ITFG1: variants seen among roughly 807,000 people sequenced by gnomAD.
ITFG1 encodes integrin alpha FG-GAP repeat containing 1, also known as T-cell immunomodulatory protein.
In ITFG1, 34 loss-of-function variants were observed where a neutral mutation model predicts 81.8. The ratio of observed to expected loss-of-function variants is 0.42; its 90% CI spans 0.32 to 0.55. The LOEUF is 0.55. ITFG1 is among the 20% of genes least tolerant of loss of function. The pLI is 0.17. For missense variants in ITFG1, 672 were observed against 755.4 expected (o/e 0.89, Z 1.29); for synonymous variants, 285 against 270.6 (o/e 1.05, Z -0.52).
In ITFG1 at chr16:47,331,595, T is replaced by C. The variant is rs541430809; in HGVS notation, c.803-17772A>G. Reference sequence around the variant, plus strand: ...CCTAACTTCTGCTTATACTCTTCTTTCATTGAAATATCTATCTTTGTGAGA... The same window carrying C: ...CCTAACTTCTGCTTATACTCTTCTTCCATTGAAATATCTATCTTTGTGAGA... On this transcript the variant is annotated intron_variant, in intron 8 of 17. Transcript: ENST00000320640. Among the ~76,000 whole-genome samples, 55 of 152,330 alleles carry C rather than the reference T, an allele frequency of 3.6e-4. 2 individuals carry two copies. The South Asian group carries it at 0.011, about 30-fold the overall frequency.
chr16:47,247,501 T>C (rs1966015647), intron 12 of ITFG1, among the ~76,000 whole-genome samples: 2 of 152,180 alleles, frequency 1.3e-5, no homozygotes, highest in Non-Finnish European at 2.9e-5. Context: ...CAATGCTGGC[T>C]CAAAGCTGTA....
intron 14 of ITFG1, among the ~76,000 whole-genome samples, chr16:47,178,800 T>C (rs1965062200): frequency 6.6e-6 from 1 of 152,174 alleles, no homozygotes; most frequent in African/African-American, 2.4e-5. Context: ...ACCTACAGAA[T>C]GGGAGAAAAT....
chr16:47,434,962 C>T (rs1969146312), intron 5 of ITFG1, among the ~76,000 whole-genome samples: 2 of 152,084 alleles, frequency 1.3e-5, no homozygotes, highest in East Asian at 1.9e-4. Context: ...ACTTATAAGT[C>T]GGAGCTGAAT....
At chr16:47,230,613 A>G (rs1965805645) in intron 13 of ITFG1, among the ~76,000 whole-genome samples, 1 of 152,236 alleles carries the variant, frequency 6.6e-6, no homozygotes, top group Admixed American at 6.5e-5. Context: ...AACAAGGCCC[A>G]TAAGGTTCCT....
chr16:47,351,544 G>A (rs1303907535), intron 8 of ITFG1, among the ~76,000 whole-genome samples: 1 of 152,150 alleles, frequency 6.6e-6, no homozygotes, highest in East Asian at 1.9e-4. Flanking sequence ...ACAAACCACT[G>A]CTCAATGAAA....
intron 8 of ITFG1, among the ~76,000 whole-genome samples, chr16:47,341,989 T>C (rs1967790507): frequency 2.6e-5 from 4 of 152,138 alleles, no homozygotes; most frequent in Admixed American, 2.6e-4. Context: ...CCACCAATCA[T>C]TTAAAGAAGA....
At chr16:47,180,732 A>G (rs1965098604) in intron 14 of ITFG1, among the ~76,000 whole-genome samples, 1 of 152,124 alleles carries the variant, frequency 6.6e-6, no homozygotes, top group South Asian at 2.1e-4. Flanking sequence ...TCAGCTCGCT[A>G]CAACCTCCAC....
intron 7 of ITFG1, among the ~76,000 whole-genome samples, chr16:47,367,536 T>G (rs1968192651): frequency 6.6e-6 from 1 of 152,230 alleles, no homozygotes; most frequent in Non-Finnish European, 1.5e-5. Flanking sequence ...TTTCAGAAGT[T>G]CTATGTTAGG....
At chr16:47,326,854 G>A (rs1967553130) in intron 8 of ITFG1, among the ~76,000 whole-genome samples, 1 of 152,176 alleles carries the variant, frequency 6.6e-6, no homozygotes, top group Non-Finnish European at 1.5e-5. Context: ...AACATTCCAT[G>A]CTCATGGGTA....
intron 2 of ITFG1, among the ~76,000 whole-genome samples, chr16:47,455,461 A>C (rs1336185941): frequency 2.0e-5 from 3 of 151,626 alleles, no homozygotes; most frequent in Non-Finnish European, 4.4e-5. Flanking sequence ...AAAACCTCGG[A>C]AATTAAAAAT....
In ITFG1 at chr16:47,166,387, A is replaced by G. The variant is rs150998278; in HGVS notation, c.1454-3723T>C. On this transcript the variant is annotated intron_variant, in intron 14 of 17. Coordinates refer to ENST00000320640, the MANE Select transcript of ITFG1 (RefSeq NM_030790.5). ...GAAGAGATAATCATTATTACATTTTAGCATACTTTTAGTCACATACTTTTT... is the reference window on the plus strand; with the variant it reads ...GAAGAGATAATCATTATTACATTTTGGCATACTTTTAGTCACATACTTTTT... Among the ~76,000 whole-genome samples, 4 of 152,390 alleles carry G rather than the reference A, an allele frequency of 2.6e-5. No homozygotes were observed. In the East Asian group the frequency reaches 7.7e-4, roughly 29 times the overall value.
chr16:47,300,831 G>GT (rs923553379), intron 10 of ITFG1, among the ~76,000 whole-genome samples: 1 of 152,206 alleles, frequency 6.6e-6, no homozygotes, highest in South Asian at 2.1e-4. Flanking sequence ...ATGCTCCTTT[G>GT]TAAGTATAGA....
intron 14 of ITFG1, among the ~76,000 whole-genome samples, chr16:47,175,044 T>C (rs1481166811): frequency 2.0e-5 from 3 of 152,212 alleles, no homozygotes; most frequent in Non-Finnish European, 4.4e-5. Context: ...CAGTCTGTCA[T>C]CTTATCTGAT....
At chr16:47,159,171 A>G (rs2151505221) in intron 16 of ITFG1, among the ~76,000 whole-genome samples, 181 bp from the exon 17 acceptor site, 1 of 152,312 alleles carries the variant, frequency 6.6e-6, no homozygotes, top group South Asian at 2.1e-4. Context: ...GATAGTGCTG[A>G]GAATATTGAT....
At chr16:47,321,178 T>C (rs1012463574) in intron 8 of ITFG1, among the ~76,000 whole-genome samples, 1 of 152,164 alleles carries the variant, frequency 6.6e-6, no homozygotes, top group Non-Finnish European at 1.5e-5. Context: ...ACAAATCACA[T>C]GACTAATTAA....
chr16:47,378,664 G>A (rs1451428105), intron 6 of ITFG1, among the ~76,000 whole-genome samples: 3 of 152,084 alleles, frequency 2.0e-5, no homozygotes, highest in African/African-American at 4.8e-5. Context: ...GAAGTATCTT[G>A]TAAAATAGAC....
chr16:47,182,093 C>T, intron 14 of ITFG1, among the ~76,000 whole-genome samples: 1 of 151,892 alleles, frequency 6.6e-6, no homozygotes, highest in African/African-American at 2.4e-5. Context: ...CCTTTGTTCA[C>T]TTGTTTATCT....
At chr16:47,280,223 C>A (rs80040636) in intron 10 of ITFG1, among the ~76,000 whole-genome samples, 2,222 of 152,232 alleles carry the variant, frequency 0.015, 15 homozygotes, top group Non-Finnish European at 0.024. Context: ...CTTTTACTTT[C>A]ACCATTAATT....
At chr16:47,164,726 A>C (rs1173960224) in intron 14 of ITFG1, among the ~76,000 whole-genome samples, 1 of 152,266 alleles carries the variant, frequency 6.6e-6, no homozygotes, top group Non-Finnish European at 1.5e-5. Context: ...TGAAATAGCC[A>C]AGATGCTGAG....
Sources: allele counts gnomAD v4.1 joint callset (sites outside exome capture counted in the v4.1 genomes callset), GRCh38; gene constraint gnomAD v4.1.1; transcripts MANE v1.5; gene names NCBI Gene and HGNC (gene_info 2026-07-23, HGNC 2026-07-21).